Variants in HS6ST3 observed in about 807,000 individuals in gnomAD.
The protein encoded by HS6ST3 is heparan sulfate 6-O-sulfotransferase 3.
HS6ST3 carries 12 observed loss-of-function variants against 36.7 expected under a neutral mutation model. That is an observed-to-expected ratio of 0.33 (90% CI 0.21 to 0.53). The LOEUF is 0.53. Among genes scored for constraint, HS6ST3 ranks in the 20% least tolerant of loss-of-function variants. The pLI is 0.95. For synonymous variants in HS6ST3, 240 were observed against 257.5 expected, an observed-to-expected ratio of 0.93 and a Z score of 0.65; for missense variants, 584 against 640.9, an observed-to-expected ratio of 0.91 and a Z score of 0.96.
chr13:96,668,374 G>A (rs1412255004), intron 1 of HS6ST3, among the ~76,000 whole-genome samples: 3 of 152,152 alleles, frequency 2.0e-5, no homozygotes, highest in East Asian at 3.9e-4. Flanking sequence ...CAATATTCAC[G>A]AGGACACACA....
chr13:96,277,441 A>C (rs112300305), intron 1 of HS6ST3, among the ~76,000 whole-genome samples: 4,208 of 152,300 alleles, frequency 0.028, 213 homozygotes, highest in African/African-American at 0.097. Flanking sequence ...TTTAAGAGCT[A>C]TATGAAGGCA....
chr13:96,607,224 A>C (rs2056442254), intron 1 of HS6ST3, among the ~76,000 whole-genome samples: 1 of 152,234 alleles, frequency 6.6e-6, no homozygotes, highest in African/African-American at 2.4e-5. Flanking sequence ...AAAATGACTT[A>C]CAATGGAAAG....
intron 1 of HS6ST3, among the ~76,000 whole-genome samples, chr13:96,326,702 GA>G (rs2055033852): frequency 6.6e-6 from 1 of 152,082 alleles, no homozygotes; most frequent in African/African-American, 2.4e-5. Context: ...CCAGTAATGG[GA>G]TGGCTGGGTC....
In HS6ST3 at chr13:96,194,767, C is replaced by T. The variant is rs934964264; in HGVS notation, c.707+103198C>T. 3.3e-5 allele frequency among the ~76,000 whole-genome samples: 5 copies of T among 151,770 alleles called. No homozygotes were observed. The East Asian group carries it at 7.8e-4, about 24-fold the overall frequency. ...CACCTCCCCCACAAGCCCCCGCCAT[C>T]CATTTCACTCACCCCCAAGCCTCTG... On this transcript the variant is annotated intron_variant, in intron 1 of 1. Coordinates refer to ENST00000376705, the MANE Select transcript of HS6ST3 (RefSeq NM_153456.4).
chr13:96,737,752 G>T (rs1013443396), intron 1 of HS6ST3, among the ~76,000 whole-genome samples: 25 of 151,838 alleles, frequency 1.6e-4, no homozygotes, highest in African/African-American at 5.3e-4. Context: ...AACTAAGAAG[G>T]TTTATATGTT....
chr13:96,483,228 A>T (rs577947324), intron 1 of HS6ST3, among the ~76,000 whole-genome samples: 1 of 152,344 alleles, frequency 6.6e-6, no homozygotes, highest in South Asian at 2.1e-4. Flanking sequence ...GGGAAGTGGT[A>T]CTAGAGATCT....
At chr13:96,098,441 G>A (rs926068800) in intron 1 of HS6ST3, among the ~76,000 whole-genome samples, 1 of 152,128 alleles carries the variant, frequency 6.6e-6, no homozygotes. Flanking sequence ...TTCAAGAGAG[G>A]TTGGAGGAAA....
In HS6ST3 at chr13:96,178,067, A is replaced by G. The variant is rs147578502; in HGVS notation, c.707+86498A>G. ...GAGATGTATAACTATATGTTTACTG[A>G]TGGAGTGTTTTGGTATCTGGGAATT... On this transcript the variant is annotated intron_variant, in intron 1 of 1. Transcript: ENST00000376705. 4.9e-3 allele frequency among the ~76,000 whole-genome samples: 752 copies of G among 152,180 alleles called. 2 individuals carry two copies. Among genetic ancestry groups the G allele is most frequent in the Admixed American group, 0.013 (193 of 15,262 alleles).
At chr13:96,340,872 A>G (rs2055126931) in intron 1 of HS6ST3, among the ~76,000 whole-genome samples, 1 of 152,228 alleles carries the variant, frequency 6.6e-6, no homozygotes, top group Non-Finnish European at 1.5e-5. Context: ...CTTAGCTTCC[A>G]GTTTATTTTT....
chr13:96,428,237 T>C (rs2055597017), intron 1 of HS6ST3, among the ~76,000 whole-genome samples: 1 of 152,130 alleles, frequency 6.6e-6, no homozygotes, highest in South Asian at 2.1e-4. Context: ...TAGTCCCAGC[T>C]ACTCAGGAGG....
chr13:96,699,211 C>T (rs1206442629), intron 1 of HS6ST3, among the ~76,000 whole-genome samples: 3 of 152,196 alleles, frequency 2.0e-5, no homozygotes, highest in Non-Finnish European at 4.4e-5. Flanking sequence ...ATGTCTAAAA[C>T]ACCAAAAGCA....
chr13:96,240,046 T>C (rs926803852), intron 1 of HS6ST3, among the ~76,000 whole-genome samples: 6 of 152,190 alleles, frequency 3.9e-5, no homozygotes, highest in Non-Finnish European at 7.4e-5. Context: ...TGGAGAGTTG[T>C]GTATTTCAAG....
chr13:96,130,677 GCATT>G (rs2053971232), intron 1 of HS6ST3, among the ~76,000 whole-genome samples: 1 of 152,100 alleles, frequency 6.6e-6, no homozygotes, highest in Non-Finnish European at 1.5e-5. Flanking sequence ...CCCCAAATCT[GCATT>G]CATTATTGGC....
intron 1 of HS6ST3, among the ~76,000 whole-genome samples, chr13:96,690,517 T>G (rs756234286): frequency 6.6e-6 from 1 of 152,052 alleles, no homozygotes; most frequent in Admixed American, 6.6e-5. Flanking sequence ...CCTGCATGGA[T>G]CATTCTGAAA....
chr13:96,471,100 C>A (rs957511870), intron 1 of HS6ST3, among the ~76,000 whole-genome samples: 3 of 152,132 alleles, frequency 2.0e-5, no homozygotes, highest in South Asian at 4.1e-4. Context: ...AAACTTCCAC[C>A]AGCATAAGCA....
At chr13:96,540,876 C>A (rs937311494) in intron 1 of HS6ST3, among the ~76,000 whole-genome samples, 1 of 152,128 alleles carries the variant, frequency 6.6e-6, no homozygotes, top group Non-Finnish European at 1.5e-5. Context: ...ATGGATGATG[C>A]ACTCAAGGAG....
intron 1 of HS6ST3, among the ~76,000 whole-genome samples, chr13:96,592,532 C>A: frequency 6.6e-6 from 1 of 152,080 alleles, no homozygotes; most frequent in East Asian, 1.9e-4. Flanking sequence ...CAGATGATTT[C>A]TTTTGGCTCA....
At chr13:96,164,737 CT>C (rs2054152890) in intron 1 of HS6ST3, among the ~76,000 whole-genome samples, 1 of 152,138 alleles carries the variant, frequency 6.6e-6, no homozygotes, top group Non-Finnish European at 1.5e-5. Flanking sequence ...GTTTTAGCTC[CT>C]TTAATGATTA....
chr13:96,573,266 G>A (rs1164049891), intron 1 of HS6ST3, among the ~76,000 whole-genome samples: 1 of 152,120 alleles, frequency 6.6e-6, no homozygotes, highest in Non-Finnish European at 1.5e-5. Context: ...AGTGTTTTAT[G>A]TTCCTGACTA....
Sources: gnomAD v4.1 joint callset for allele counts (sites outside exome capture counted in the v4.1 genomes callset) on GRCh38, gnomAD v4.1.1 for gene constraint, MANE v1.5 for transcripts, NCBI Gene and HGNC (gene_info 2026-07-23, HGNC 2026-07-21) for gene names.